Variants in BTBD9 observed in about 807,000 individuals in gnomAD.
BTBD9 encodes BTB/POZ domain-containing protein 9.
BTBD9 carries 49 observed loss-of-function variants against 64.3 expected under a neutral mutation model. The ratio of observed to expected loss-of-function variants is 0.76; its 90% CI spans 0.61 to 0.97. The LOEUF is 0.97. Among genes scored for constraint, BTBD9 ranks in the 50% least tolerant of loss-of-function variants. The pLI is 0.00. For missense variants in BTBD9, 598 were observed against 762.1 expected, an observed-to-expected ratio of 0.78 and a Z score of 2.53; for synonymous variants, 260 against 274.7, an observed-to-expected ratio of 0.95 and a Z score of 0.53.
At chr6:38,281,534 C>T (rs541563811) in intron 8 of BTBD9, among the ~76,000 whole-genome samples, 1 of 152,132 alleles carries the variant, frequency 6.6e-6, no homozygotes, top group African/African-American at 2.4e-5. Context: ...CAGTCTGTGC[C>T]AGATTAACTT....
At chr6:38,603,385 C>G (rs1363481876) in intron 1 of BTBD9, among the ~76,000 whole-genome samples, 3 of 152,174 alleles carry the variant, frequency 2.0e-5, no homozygotes, top group Admixed American at 6.5e-5. Context: ...GGGTTATTGC[C>G]TGCTTATTAT....
chr6:38,455,625 T>C (rs1022074081), intron 6 of BTBD9, among the ~76,000 whole-genome samples: 1 of 152,238 alleles, frequency 6.6e-6, no homozygotes, highest in African/African-American at 2.4e-5. Context: ...TAGTACTCCA[T>C]AATATGGATA....
intron 6 of BTBD9, among the ~76,000 whole-genome samples, chr6:38,399,219 C>A (rs1766820361): frequency 6.6e-6 from 1 of 152,126 alleles, no homozygotes. Flanking sequence ...CTTAATCTTT[C>A]TAGACTTTAA....
intron 6 of BTBD9, among the ~76,000 whole-genome samples, chr6:38,541,646 G>A (rs1054532925): frequency 6.6e-6 from 1 of 152,168 alleles, no homozygotes; most frequent in Non-Finnish European, 1.5e-5. Flanking sequence ...GCTGAGGCAG[G>A]AGAATCACTT....
intron 6 of BTBD9, among the ~76,000 whole-genome samples, chr6:38,544,345 T>G (rs1272942006): frequency 6.6e-6 from 1 of 152,074 alleles, no homozygotes; most frequent in Admixed American, 6.6e-5. Flanking sequence ...CAACTATATA[T>G]TATAAGCTGA....
intron 6 of BTBD9, among the ~76,000 whole-genome samples, chr6:38,474,031 A>C (rs139368615): frequency 6.6e-4 from 100 of 152,308 alleles, no homozygotes; most frequent in Non-Finnish European, 1.2e-3. Context: ...GTATTTAATA[A>C]ATGGGCAGTA....
intron 6 of BTBD9, among the ~76,000 whole-genome samples, chr6:38,514,146 G>C (rs534473513): frequency 6.6e-6 from 1 of 152,290 alleles, no homozygotes; most frequent in Non-Finnish European, 1.5e-5. Context: ...TAAAATGGCT[G>C]GTATAAGGAT....
intron 6 of BTBD9, among the ~76,000 whole-genome samples, chr6:38,533,518 C>A (rs1773887689): frequency 6.6e-6 from 1 of 152,098 alleles, no homozygotes; most frequent in Non-Finnish European, 1.5e-5. Flanking sequence ...ATGTCAGGCT[C>A]AATCTGCACT....
chr6:38,338,602 CAA>C (rs1763988356), intron 7 of BTBD9, among the ~76,000 whole-genome samples: 1 of 152,096 alleles, frequency 6.6e-6, no homozygotes, highest in Non-Finnish European at 1.5e-5. Context: ...TATTATCTCT[CAA>C]GCAGAGAGGT....
At chr6:38,365,715 G>A (rs1313102532) in intron 6 of BTBD9, among the ~76,000 whole-genome samples, 2 of 147,054 alleles carry the variant, frequency 1.4e-5, no homozygotes, top group Non-Finnish European at 3.0e-5. Flanking sequence ...CCAAGCTCAT[G>A]ACACTCTACC....
At chr6:38,275,842 G>C (rs1761214697) in intron 8 of BTBD9, among the ~76,000 whole-genome samples, 1 of 152,012 alleles carries the variant, frequency 6.6e-6, no homozygotes, top group Admixed American at 6.6e-5. Flanking sequence ...AAAAAGCCAG[G>C]AAACAACAGG....
chr6:38,447,926 C>T (rs1326813725), intron 6 of BTBD9, among the ~76,000 whole-genome samples: 1 of 152,184 alleles, frequency 6.6e-6, no homozygotes, highest in African/African-American at 2.4e-5. Context: ...GAGAAAGATA[C>T]GTGGACATTT....
At chr6:38,374,500 A>G (rs932618031) in intron 6 of BTBD9, among the ~76,000 whole-genome samples, 3 of 151,346 alleles carry the variant, frequency 2.0e-5, no homozygotes, top group Non-Finnish European at 4.4e-5. Flanking sequence ...TCTCTCTGAC[A>G]CTTCAGCCTC....
At chr6:38,517,968 C>G (rs1773111818) in intron 6 of BTBD9, among the ~76,000 whole-genome samples, 1 of 152,076 alleles carries the variant, frequency 6.6e-6, no homozygotes, top group South Asian at 2.1e-4. Flanking sequence ...GGAATTAATT[C>G]CAGATGAAAT....
At chr6:38,610,054 C>T (rs771357447) in intron 1 of BTBD9, among the ~76,000 whole-genome samples, 3 of 152,010 alleles carry the variant, frequency 2.0e-5, no homozygotes, top group Non-Finnish European at 4.4e-5. Context: ...AAGGTCATTT[C>T]TAAAAGAAAA....
chr6:38,550,811 C>A (rs1272036281), intron 6 of BTBD9, among the ~76,000 whole-genome samples: 2 of 152,158 alleles, frequency 1.3e-5, no homozygotes, highest in African/African-American at 4.8e-5. Context: ...GTAGTTAGAA[C>A]AATCAAATCA....
chr6:38,522,256 T>C (rs1392495489), intron 6 of BTBD9, among the ~76,000 whole-genome samples: 1 of 152,198 alleles, frequency 6.6e-6, no homozygotes, highest in African/African-American at 2.4e-5. Context: ...TGTACACATA[T>C]GCCATTTTTT....
intron 10 of BTBD9, 79 bp from the exon 11 acceptor site, chr6:38,175,261 C>T: frequency 6.8e-7 from 1 of 1,477,596 alleles, no homozygotes. Flanking sequence ...GGGATACTGC[C>T]CTGCCCAGCT....
At chr6:38,629,947 C>G (rs1778306629) in intron 1 of BTBD9, among the ~76,000 whole-genome samples, 1 of 152,020 alleles carries the variant, frequency 6.6e-6, no homozygotes, top group Non-Finnish European at 1.5e-5. Context: ...GTGGCTCATG[C>G]CTGTAATACC....
Sources: gnomAD v4.1 joint callset for allele counts (sites outside exome capture counted in the v4.1 genomes callset) on GRCh38, gnomAD v4.1.1 for gene constraint, MANE v1.5 for transcripts, NCBI Gene and HGNC (gene_info 2026-07-23, HGNC 2026-07-21) for gene names.